EPHA8: variants seen among roughly 807,000 people sequenced by gnomAD.
EPHA8 encodes the protein EPH receptor A8, also known as ephrin type-A receptor 8.
EPHA8 carries 58 observed loss-of-function variants against 103.6 expected under a neutral mutation model. The ratio of observed to expected loss-of-function variants is 0.56; its 90% CI spans 0.45 to 0.70. The LOEUF is 0.70. Ranked by LOEUF, EPHA8 falls within the 30% of genes least tolerant of loss-of-function variation. The pLI is 0.00. For missense variants in EPHA8, 1,304 were observed against 1,395.2 expected (o/e 0.93, Z 1.04); for synonymous variants, 559 against 572.5 (o/e 0.98, Z 0.34).
Position 22,572,446 on chromosome 1 carries a change from G to A in EPHA8, c.159+3093G>A, listed in dbSNP as rs571789738. On this transcript the variant is annotated intron_variant, in intron 2 of 16. Transcript: ENST00000166244. The stretch of plus-strand genomic sequence containing the variant: ...AGGCAAAGCAATTCTACGAAGACTG[G>A]GGGAGGTCTGGCCCAGACCCCCTGC... Among the ~76,000 whole-genome samples the A allele has an allele frequency of 2.0e-5, 3 of 152,302 alleles. No homozygotes were observed. The South Asian group carries it at 6.2e-4, about 32-fold the overall frequency.
At chr1:22,591,252 T>C (rs1641364864) in intron 5 of EPHA8, among the ~76,000 whole-genome samples, 1 of 151,974 alleles carries the variant, frequency 6.6e-6, no homozygotes, top group Non-Finnish European at 1.5e-5. Context: ...TGAGACAATG[T>C]CTCTATCTGT....
intron 8 of EPHA8, 116 bp downstream of exon 8, chr1:22,595,439 A>T (rs1173777235): frequency 1.7e-5 from 12 of 718,386 alleles, no homozygotes; most frequent in Non-Finnish European, 2.8e-5. Flanking sequence ...CTCACTTACA[A>T]ACACACCACC....
At chr1:22,579,059 A>G (rs111161989) in intron 3 of EPHA8, among the ~76,000 whole-genome samples, 2 of 139,372 alleles carry the variant, frequency 1.4e-5, no homozygotes, top group East Asian at 2.3e-4. Context: ...TTGTGCATGT[A>G]TGTATGCATG....
At chr1:22,578,709 G>A (rs1030227237) in intron 3 of EPHA8, among the ~76,000 whole-genome samples, 17 of 150,236 alleles carry the variant, frequency 1.1e-4, no homozygotes, top group Non-Finnish European at 1.9e-4. Context: ...GTGTGTGTAT[G>A]TATATGCATG....
chr1:22,576,961 C>G lies in EPHA8; in HGVS notation c.823+81C>G. The stretch of plus-strand genomic sequence containing the variant: ...AGGGCTGCCAGGGTGTAAGGGGGGA[C>G]GTCAGAGCCCACAGGCACCTGAGTG... On this transcript the variant is annotated intron_variant, in intron 3 of 16. Transcript: ENST00000166244. The surrounding 1 kb of genome is among the most constrained non-coding windows in gnomAD (Gnocchi z 4.8). 6.9e-7 allele frequency: 1 copy of G among 1,450,642 alleles called. No individual in the cohort carries two copies. Among genetic ancestry groups the G allele is most frequent in the South Asian group, 1.4e-5 (1 of 72,150 alleles). 89.9% of individuals were successfully genotyped at this position (1,450,642 alleles called of 1,614,324 possible).
chr1:22,570,781 C>T (rs1640522238), intron 2 of EPHA8, among the ~76,000 whole-genome samples: 1 of 152,252 alleles, frequency 6.6e-6, no homozygotes, highest in Non-Finnish European at 1.5e-5. Flanking sequence ...GTCACCTGAC[C>T]CAGCACCACT....
intron 3 of EPHA8, among the ~76,000 whole-genome samples, chr1:22,579,355 G>A (rs941134204): frequency 3.5e-5 from 3 of 86,926 alleles, no homozygotes; most frequent in African/African-American, 1.1e-4. Context: ...GTATGTATGC[G>A]TGTGTGTATG....
intron 5 of EPHA8, among the ~76,000 whole-genome samples, chr1:22,590,369 G>A (rs567605473): frequency 3.4e-4 from 52 of 152,194 alleles, no homozygotes; most frequent in African/African-American, 1.1e-3. Context: ...CTTCCCCTCC[G>A]GTCACCAGAC....
intron 3 of EPHA8, among the ~76,000 whole-genome samples, chr1:22,584,071 G>A (rs1459467399): frequency 6.6e-6 from 1 of 152,238 alleles, no homozygotes; most frequent in African/African-American, 2.4e-5. Flanking sequence ...GTTGTGGATT[G>A]GATCATTACA....
chr1:22,576,708 A>G lies in EPHA8; in HGVS notation c.651A>G (p.Ala217=). 6.2e-7 allele frequency: 1 copy of G among 1,613,868 alleles called. No homozygotes were observed. Among genetic ancestry groups the G allele is most frequent in the Non-Finnish European group, 8.5e-7 (1 of 1,180,034 alleles). ...GCAATCTGGCTGCCTTCTCGGAGGC[A>G]GTGACGGGGGCCGACTCGTCCTCAC... ...MVRNLAAFSE[A]VTGADSSSLV... is the part of the protein sequence containing the mutation. Residue 217 remains alanine (A), a synonymous_variant, in exon 3 of 17, where the codon GCA becomes GCG. Coordinates refer to ENST00000166244, the MANE Select transcript of EPHA8 (RefSeq NM_020526.5). The surrounding 1 kb of genome is among the most constrained non-coding windows in gnomAD (Gnocchi z 4.8).
rs1408039503 is a variant in EPHA8, at chr1:22,589,417, A to G, written c.1315+211A>G. ...CATTCTATAAGTAAGAGAAATCCCAAAAGCTCAGAGGCAGGCTAGTGTGGC... is the reference window on the plus strand; with the variant it reads ...CATTCTATAAGTAAGAGAAATCCCAGAAGCTCAGAGGCAGGCTAGTGTGGC... On this transcript the variant is annotated intron_variant, in intron 5 of 16. Coordinates refer to ENST00000166244, the MANE Select transcript of EPHA8 (RefSeq NM_020526.5). The surrounding 1 kb of genome is among the most constrained non-coding windows in gnomAD (Gnocchi z 4.3). The G allele has an allele frequency of 6.7e-7, 1 of 1,503,174 alleles. No homozygotes were observed. The highest frequency in any genetic ancestry group is 2.2e-5 in the Admixed American group (1 of 45,502). The allele number at this position is 1,503,174 out of a possible 1,614,324, so 93.1% of individuals were successfully genotyped here. A position where few individuals can be genotyped will look rare whatever the true frequency, so the allele number is the denominator to read the frequency against.
At chr1:22,583,160 G>C (rs1030076088) in intron 3 of EPHA8, among the ~76,000 whole-genome samples, 8 of 152,312 alleles carry the variant, frequency 5.3e-5, no homozygotes, top group African/African-American at 1.7e-4. Flanking sequence ...CCCAACACCC[G>C]GGCACGTGCA....
intron 1 of EPHA8, among the ~76,000 whole-genome samples, chr1:22,568,804 A>G (rs539491688): frequency 1.3e-5 from 2 of 152,260 alleles, no homozygotes; most frequent in African/African-American, 2.4e-5. Context: ...CTTGAATGCC[A>G]TCATGGCTCT....
intron 5 of EPHA8, among the ~76,000 whole-genome samples, chr1:22,592,947 C>T (rs544220817): frequency 1.5e-4 from 23 of 152,312 alleles, no homozygotes; most frequent in Admixed American, 1.4e-3. Context: ...CCCTCCAAAC[C>T]CAGGCAGTGA....
intron 2 of EPHA8, among the ~76,000 whole-genome samples, chr1:22,575,444 T>C (rs1283140330): frequency 6.6e-6 from 1 of 152,232 alleles, no homozygotes; most frequent in South Asian, 2.1e-4. Flanking sequence ...CTGTTTCTTT[T>C]CTGTTGTTGT....
Position 22,576,803 on chromosome 1 carries a change from C to T in EPHA8, c.746C>T (p.Ala249Val), listed in dbSNP as rs768374859. The change falls in exon 3 of 17, where the codon GCG (alanine) becomes GTG (valine). Residue 249 changes from alanine (A) to valine (V), a missense_variant. Coordinates refer to ENST00000166244, the MANE Select transcript of EPHA8 (RefSeq NM_020526.5). The surrounding 1 kb of genome is among the most constrained non-coding windows in gnomAD (Gnocchi z 4.8). ...GACACACCCAAGATGTACTGCAGCG[C>T]GGAGGGCGAGTGGCTCGTGCCCATC... ...ERDTPKMYCS[A>V]EGEWLVPIGK... is the part of the protein sequence containing the mutation. 11 of 1,612,848 alleles carry T rather than the reference C, an allele frequency of 6.8e-6. No homozygotes were observed. The highest frequency in any genetic ancestry group is 5.5e-5 in the South Asian group (5 of 91,068).
chr1:22,589,026 T>C lies in EPHA8; in HGVS notation c.1135T>C (p.Cys379Arg). 3 of 1,612,812 alleles carry C rather than the reference T, an allele frequency of 1.9e-6. No individual in the cohort carries two copies. Among genetic ancestry groups the C allele is most frequent in the Non-Finnish European group, 2.5e-6 (3 of 1,179,508 alleles). ...CPWALSRCEA[C>R]GSGTRFVPQQ... Reference sequence around the variant, plus strand: ...CTGGGCACTGAGCCGCTGCGAGGCATGTGGGAGCGGCACCCGCTTTGTGCC... The same window carrying C: ...CTGGGCACTGAGCCGCTGCGAGGCACGTGGGAGCGGCACCCGCTTTGTGCC... The change falls in exon 5 of 17, where the codon TGT becomes CGT. Residue 379 changes from cysteine to arginine, a missense_variant. Coordinates refer to ENST00000166244, the MANE Select transcript of EPHA8 (RefSeq NM_020526.5). This position sits in a 1 kb window ranked among gnomAD's most constrained non-coding sequence, Gnocchi z 4.3.
At chr1:22,582,983 G>A (rs1008159575) in intron 3 of EPHA8, among the ~76,000 whole-genome samples, 1 of 152,266 alleles carries the variant, frequency 6.6e-6, no homozygotes, top group Admixed American at 6.5e-5. Context: ...ATCTGATTTA[G>A]AATTAATTTC....
Position 22,563,965 on chromosome 1 carries a change from G to A in EPHA8, c.94+236G>A, listed in dbSNP as rs1640277371. ...CAGGTACCGGGGACTGGGGGACAGT[G>A]GGAAAGGACAGGAGACAGGACTGAG... On this transcript the variant is annotated intron_variant, in intron 1 of 16. Transcript: ENST00000166244. This position sits in a 1 kb window ranked among gnomAD's most constrained non-coding sequence, Gnocchi z 4.4. Among the ~76,000 whole-genome samples the A allele has an allele frequency of 6.6e-6, 1 of 151,982 alleles. No homozygotes were observed. Among genetic ancestry groups the A allele is most frequent in the Non-Finnish European group, 1.5e-5 (1 of 67,958 alleles).
Sources: gnomAD v4.1 joint callset for allele counts (sites outside exome capture counted in the v4.1 genomes callset) on GRCh38, gnomAD v4.1.1 for gene constraint, Gnocchi (gnomAD v3.1) non-coding constraint, MANE v1.5 for transcripts, NCBI Gene and HGNC (gene_info 2026-07-23, HGNC 2026-07-21) for gene names.